USP28: variants seen among roughly 807,000 people sequenced by gnomAD.
The protein encoded by USP28 is ubiquitin carboxyl-terminal hydrolase 28.
In USP28, 113 loss-of-function variants were observed where a neutral mutation model predicts 145.0. That is an observed-to-expected ratio of 0.78 (90% confidence interval 0.67 to 0.91). The LOEUF (loss-of-function observed/expected upper bound fraction) is 0.91. Ranked by LOEUF, USP28 falls within the 40% of genes least tolerant of loss-of-function variation. USP28 has a pLI of 0.00. For missense variants in USP28, 1,201 were observed against 1,289.6 expected (o/e 0.93, Z 1.05); for synonymous variants, 447 against 450.9 (o/e 0.99, Z 0.11).
intron 12 of USP28, 119 bp downstream of exon 12, chr11:113,823,486 G>C (rs1390054119): frequency 4.5e-5 from 37 of 830,684 alleles, no homozygotes; most frequent in Non-Finnish European, 6.8e-5. Flanking sequence ...AATTTTCTTA[G>C]CTGTTTTATA....
intron 1 of USP28, among the ~76,000 whole-genome samples, chr11:113,866,370 T>TA (rs1390152293): frequency 1.3e-5 from 2 of 152,168 alleles, no homozygotes; most frequent in African/African-American, 4.8e-5. Context: ...AAAATACTTT[T>TA]AAATCATTTA....
At chr11:113,834,098 C>CA in intron 6 of USP28, 151 bp downstream of exon 6, 1 of 553,174 alleles carries the variant, frequency 1.8e-6, no homozygotes, top group Non-Finnish European at 3.1e-6. Flanking sequence ...TATGTTATCC[C>CA]AAAAAAGGAA....
At chr11:113,849,810 T>C (rs1373590997) in intron 3 of USP28, among the ~76,000 whole-genome samples, 1 of 152,158 alleles carries the variant, frequency 6.6e-6, no homozygotes, top group Non-Finnish European at 1.5e-5. Context: ...CCCTGAACGC[T>C]GCTGGCCAGT....
chr11:113,854,653 G>C (rs1466074572), intron 1 of USP28, among the ~76,000 whole-genome samples: 1 of 152,156 alleles, frequency 6.6e-6, no homozygotes, highest in Non-Finnish European at 1.5e-5. Flanking sequence ...ACCCGCCTAG[G>C]CCTCCCAAAG....
intron 2 of USP28, 126 bp downstream of exon 2, chr11:113,854,132 T>C: frequency 1.2e-6 from 1 of 827,960 alleles, no homozygotes; most frequent in East Asian, 2.5e-5. Context: ...GGTCAGTCAT[T>C]TGACCTGTAG....
Position 113,829,333 on chromosome 11 carries a change from C to T in USP28, c.923G>A (p.Cys308Tyr), listed in dbSNP as rs575335688. The change falls in exon 10 of 25, where the codon TGT (cysteine) becomes TAT (tyrosine). Residue 308 changes from cysteine to tyrosine, a missense_variant. Coordinates refer to ENST00000003302, the Ensembl canonical transcript of USP28. ...ATACTGGCCGAAGGTCTCATTGTTA[C>T]AAAAGGGTTTTCCTAGGCAAAGAGA... is the stretch of plus-strand genomic sequence containing the variant. 5 of 1,614,104 alleles carry T rather than the reference C, an allele frequency of 3.1e-6. No individual in the cohort carries two copies. The African/African-American group carries it at 5.3e-5, about 17-fold the overall frequency.
intron 17 of USP28, 95 bp downstream of exon 17, chr11:113,808,968 T>C: frequency 8.4e-7 from 1 of 1,189,040 alleles, no homozygotes; most frequent in Non-Finnish European, 1.2e-6. Flanking sequence ...GTGAAGACTG[T>C]GGCATCACCT....
At chr11:113,875,412 C>T in intron 1 of USP28, 33 bp downstream of exon 1, 2 of 1,232,300 alleles carry the variant, frequency 1.6e-6, no homozygotes, top group Middle Eastern at 3.3e-4. Flanking sequence ...CTGGAGCCCG[C>T]CCCCAGCTCC....
Position 113,827,379 on chromosome 11 carries a change from A to G in USP28, c.1060-19T>C. The G allele has an allele frequency of 6.4e-7, 1 of 1,557,154 alleles. No individual in the cohort carries two copies. The highest frequency in any genetic ancestry group is 8.6e-7 in the Non-Finnish European group (1 of 1,159,866). ...ACCAACGCTAGTGTCAAGAGTAGAA[A>G]TGTGAGAGAAAGAAAAATTAATTTT... On this transcript the variant is annotated intron_variant, in intron 10 of 24. Transcript: ENST00000003302.
chr11:113,829,161 T>C (rs993417407), intron 10 of USP28, 36 bp downstream of exon 10: 1 of 1,604,610 alleles, frequency 6.2e-7, no homozygotes, highest in African/African-American at 1.4e-5. Context: ...TAACTGGCTT[T>C]GTCACTGGCA....
At chr11:113,869,562 G>A (rs1407152695) in intron 1 of USP28, among the ~76,000 whole-genome samples, 4 of 152,192 alleles carry the variant, frequency 2.6e-5, no homozygotes, top group Admixed American at 6.5e-5. Flanking sequence ...CCACACTCCA[G>A]CTTGGGTGAC....
At position 113,841,695 on chromosome 11, in the gene USP28, G is replaced by T. The variant is rs779679495; in HGVS notation, c.342C>A (p.Pro114=). 3.1e-6 allele frequency: 5 copies of T among 1,612,734 alleles called. No homozygotes were observed. The East Asian group carries it at 8.9e-5, about 29-fold the overall frequency. ...GATCTCTTCCATCAGCTTGAATTTT[G>T]GGAGACTCCAGTAGACTCAAAGCAA... The change falls in exon 4 of 25, where the codon CCC becomes CCA. Residue 114 remains proline, a synonymous_variant. Coordinates refer to ENST00000003302, the Ensembl canonical transcript of USP28.
At chr11:113,854,367 T>C (rs377177045) in intron 1 of USP28, 32 bp from the exon 2 acceptor site, 130 of 1,592,076 alleles carry the variant, frequency 8.2e-5, no homozygotes, top group Non-Finnish European at 7.1e-5. Context: ...ACCACAAACA[T>C]GTCAGTCAGA....
Position 113,837,175 on chromosome 11 carries a change from T to C in USP28, c.535-2840A>G, listed in dbSNP as rs80098806. ...CACATTTTATTCAGCTAGTTCATCATTCTGTTAGTTTTTAGTTTACTGTTC... is the reference window on the plus strand; with the variant it reads ...CACATTTTATTCAGCTAGTTCATCACTCTGTTAGTTTTTAGTTTACTGTTC... On this transcript the variant is annotated intron_variant, in intron 5 of 24. Transcript: ENST00000003302. Among the ~76,000 whole-genome samples, 13 of 152,340 alleles carry C rather than the reference T, an allele frequency of 8.5e-5. No homozygotes were observed. In the East Asian group the frequency reaches 2.5e-3, roughly 29 times the overall value.
At chr11:113,808,219 A>G (rs1940356230) in intron 18 of USP28, 79 bp downstream of exon 18, 1 of 1,571,376 alleles carries the variant, frequency 6.4e-7, no homozygotes. Flanking sequence ...GAGACACAGA[A>G]TAATAGAAAT....
At chr11:113,871,280 T>G (rs1212020528) in intron 1 of USP28, among the ~76,000 whole-genome samples, 1 of 152,198 alleles carries the variant, frequency 6.6e-6, no homozygotes, top group Non-Finnish European at 1.5e-5. Flanking sequence ...ATGCTGCTGG[T>G]CTGTGGACCA....
chr11:113,829,584 TTGGGAGGCCAAGG>T (rs1224530199), intron 9 of USP28: 1 of 443,384 alleles, frequency 2.3e-6, no homozygotes, highest in African/African-American at 2.1e-5. Context: ...TCCCACCACT[TTGGGAGGCCAAGG>T]TGGGAGGATC....
At chr11:113,813,737 G>A in intron 15 of USP28, 148 bp downstream of exon 15, 2 of 691,780 alleles carry the variant, frequency 2.9e-6, no homozygotes, top group Non-Finnish European at 2.4e-6. Flanking sequence ...CTAAAATAAA[G>A]AAACAGAACA....
chr11:113,827,469 T>C, intron 10 of USP28, 109 bp from the exon 11 acceptor site: 1 of 1,199,018 alleles, frequency 8.3e-7, no homozygotes, highest in East Asian at 2.9e-5. Flanking sequence ...GTATAGAACT[T>C]ATACTCAAGG....
Sources: allele counts gnomAD v4.1 joint callset (sites outside exome capture counted in the v4.1 genomes callset), GRCh38; gene constraint gnomAD v4.1.1; transcripts MANE v1.5; gene names NCBI Gene and HGNC (gene_info 2026-07-23, HGNC 2026-07-21).